Variants in LRP1B observed in about 807,000 individuals in gnomAD.
LRP1B encodes the protein LDL receptor related protein 1B, also known as low-density lipoprotein receptor-related protein 1B.
LRP1B carries 217 observed loss-of-function variants against 556.6 expected under a neutral mutation model. The observed-to-expected ratio is 0.39, with a 90% CI of 0.35 to 0.44. LRP1B has a LOEUF of 0.44. Among genes scored for constraint, LRP1B ranks in the 20% least tolerant of loss-of-function variants. The pLI, the probability that LRP1B is intolerant of heterozygous loss-of-function variation, is 1.00. For synonymous variants in LRP1B, 2,047 were observed against 1,865.8 expected (o/e 1.10, Z -2.50); for missense variants, 5,053 against 5,620.8 (o/e 0.90, Z 3.23).
At chr2:140,366,978 T>A (rs898129572) in intron 71 of LRP1B, among the ~76,000 whole-genome samples, 1 of 151,152 alleles carries the variant, frequency 6.6e-6, no homozygotes, top group African/African-American at 2.4e-5. Flanking sequence ...ATCCAGGGAG[T>A]GTGAGAGATT....
intron 2 of LRP1B, among the ~76,000 whole-genome samples, chr2:141,714,305 T>A (rs1435138687): frequency 6.6e-6 from 1 of 152,074 alleles, no homozygotes; most frequent in Non-Finnish European, 1.5e-5. Context: ...ACTAGATGAG[T>A]GGATGTATCA....
At chr2:142,065,352 C>T (rs1705071641) in intron 1 of LRP1B, among the ~76,000 whole-genome samples, 2 of 151,082 alleles carry the variant, frequency 1.3e-5, no homozygotes, top group South Asian at 2.1e-4. Flanking sequence ...AGAAGATCCC[C>T]CCTTTCCTTT....
At chr2:141,281,407 T>C (rs1685503916) in intron 3 of LRP1B, among the ~76,000 whole-genome samples, 1 of 152,044 alleles carries the variant, frequency 6.6e-6, no homozygotes, top group African/African-American at 2.4e-5. Context: ...TGGGTAAGAG[T>C]TACAAGAGAG....
rs1553469382 is a variant in LRP1B, at chr2:141,822,130, C to CAGAGAGAGAGAG, written c.83-11741_83-11730dup. Among the ~76,000 whole-genome samples, 83 of 95,870 alleles carry CAGAGAGAGAGAG rather than the reference C, an allele frequency of 8.7e-4. 3 individuals carry two copies. The highest frequency in any genetic ancestry group is 3.4e-3 in the African/African-American group (77 of 22,400). 62.9% of individuals were successfully genotyped at this position (95,870 alleles called of 152,430 possible). ...ACACACACACACACACACACACACA[C>CAGAGAGAGAGAG]AGAGAGAGAGAGAGAGAGAGAGAGA... On this transcript the variant is annotated intron_variant, in intron 1 of 90. Coordinates refer to ENST00000389484, the MANE Select transcript of LRP1B (RefSeq NM_018557.3).
chr2:141,973,759 T>C (rs182652852), intron 1 of LRP1B, among the ~76,000 whole-genome samples: 1 of 149,892 alleles, frequency 6.7e-6, no homozygotes, highest in African/African-American at 2.4e-5. Context: ...TACTGTAATA[T>C]AGCTTTCAAA....
At chr2:141,177,262 G>A (rs541624011) in intron 7 of LRP1B, among the ~76,000 whole-genome samples, 1 of 152,144 alleles carries the variant, frequency 6.6e-6, no homozygotes, top group East Asian at 1.9e-4. Flanking sequence ...TATGTGCATT[G>A]GGCTCTAATT....
chr2:141,971,699 TA>T (rs1189591572), intron 1 of LRP1B, among the ~76,000 whole-genome samples: 1 of 151,474 alleles, frequency 6.6e-6, no homozygotes, highest in South Asian at 2.1e-4. Context: ...AAGTTACCAG[TA>T]AAAAATGGTA....
chr2:141,838,957 T>C (rs1183574300), intron 1 of LRP1B, among the ~76,000 whole-genome samples: 1 of 152,200 alleles, frequency 6.6e-6, no homozygotes, highest in Non-Finnish European at 1.5e-5. Flanking sequence ...TCAGGAGAAC[T>C]GTTGAACCAT....
At chr2:140,995,477 A>C (rs1286694673) in intron 15 of LRP1B, among the ~76,000 whole-genome samples, 1 of 152,062 alleles carries the variant, frequency 6.6e-6, no homozygotes, top group East Asian at 1.9e-4. Context: ...TAACAACAAT[A>C]ACACAATACC....
intron 3 of LRP1B, among the ~76,000 whole-genome samples, chr2:141,323,207 A>G (rs954399317): frequency 2.0e-5 from 3 of 152,074 alleles, no homozygotes; most frequent in African/African-American, 7.2e-5. Context: ...TCTCCTGCCT[A>G]TATTTTTCCA....
At chr2:140,639,480 T>G (rs1466503436) in intron 41 of LRP1B, among the ~76,000 whole-genome samples, 1 of 152,218 alleles carries the variant, frequency 6.6e-6, no homozygotes, top group Non-Finnish European at 1.5e-5. Context: ...TTATGCAGAT[T>G]CATTTGAATG....
At chr2:141,241,836 T>C (rs1035179353) in intron 5 of LRP1B, among the ~76,000 whole-genome samples, 2 of 151,900 alleles carry the variant, frequency 1.3e-5, no homozygotes, top group Admixed American at 6.6e-5. Context: ...TCCTAGCCAA[T>C]AGGTCTCACG....
At chr2:141,172,725 TAA>T (rs1239770715) in intron 7 of LRP1B, among the ~76,000 whole-genome samples, 1 of 152,152 alleles carries the variant, frequency 6.6e-6, no homozygotes, top group Non-Finnish European at 1.5e-5. Flanking sequence ...GATATATATA[TAA>T]GTCTGTGGAA....
intron 60 of LRP1B, 76 bp downstream of exon 60, chr2:140,475,062 T>A (rs570408393): frequency 2.4e-4 from 139 of 589,332 alleles, no homozygotes; most frequent in Non-Finnish European, 3.4e-4. Context: ...AGAAAGCATA[T>A]AAAATAAATA....
chr2:140,579,555 A>T (rs967758590), intron 43 of LRP1B, among the ~76,000 whole-genome samples: 1 of 152,112 alleles, frequency 6.6e-6, no homozygotes, highest in African/African-American at 2.4e-5. Flanking sequence ...TTAAAAGGCT[A>T]GGGTAGGCCG....
chr2:140,744,050 A>G (rs1184759320), intron 35 of LRP1B, among the ~76,000 whole-genome samples: 1 of 151,164 alleles, frequency 6.6e-6, no homozygotes, highest in African/African-American at 2.4e-5. Context: ...GGTGAGAGGA[A>G]TGAGAAGATG....
At chr2:141,392,080 G>C (rs528440602) in intron 3 of LRP1B, among the ~76,000 whole-genome samples, 1 of 152,214 alleles carries the variant, frequency 6.6e-6, no homozygotes, top group African/African-American at 2.4e-5. Flanking sequence ...ATGACCTCTG[G>C]ATTGACTGGT....
chr2:141,843,531 A>G (rs901581365), intron 1 of LRP1B, among the ~76,000 whole-genome samples: 7 of 152,184 alleles, frequency 4.6e-5, no homozygotes, highest in Non-Finnish European at 7.3e-5. Context: ...TCCATGTTCT[A>G]CTTGATTGCA....
intron 2 of LRP1B, among the ~76,000 whole-genome samples, chr2:141,772,068 G>T (rs1021547227): frequency 6.6e-6 from 1 of 151,848 alleles, no homozygotes; most frequent in African/African-American, 2.4e-5. Flanking sequence ...CACCTGACTG[G>T]GACTCCCAAA....
Sources: gnomAD v4.1 joint callset for allele counts (sites outside exome capture counted in the v4.1 genomes callset) on GRCh38, gnomAD v4.1.1 for gene constraint, MANE v1.5 for transcripts, NCBI Gene and HGNC (gene_info 2026-07-23, HGNC 2026-07-21) for gene names.